TTC28: variants seen among roughly 807,000 people sequenced by gnomAD.
TTC28 encodes tetratricopeptide repeat domain 28.
A neutral mutation model predicts 198.0 loss-of-function variants in TTC28; 61 were observed. The ratio of observed to expected loss-of-function variants is 0.31; its 90% CI spans 0.25 to 0.38. The LOEUF (loss-of-function observed/expected upper bound fraction) is 0.38. Ranked by LOEUF, TTC28 falls within the 10% of genes least tolerant of loss-of-function variation. TTC28 has a pLI of 1.00. For synonymous variants in TTC28, 1,171 were observed against 1,297.8 expected (o/e 0.90, Z 2.10); for missense variants, 2,678 against 3,164.0 (o/e 0.85, Z 3.69).
At chr22:28,138,206 C>T (rs772017674) in intron 6 of TTC28, among the ~76,000 whole-genome samples, 2 of 152,156 alleles carry the variant, frequency 1.3e-5, no homozygotes, top group African/African-American at 4.8e-5. Flanking sequence ...TATCAATCAG[C>T]CAGAGTCTGA....
intron 5 of TTC28, among the ~76,000 whole-genome samples, chr22:28,289,347 T>C (rs1285197014): frequency 1.3e-5 from 2 of 152,194 alleles, no homozygotes; most frequent in African/African-American, 4.8e-5. Flanking sequence ...ATTTCCTGAA[T>C]AGAGAACACT....
intron 15 of TTC28, 52 bp downstream of exon 15, chr22:28,001,322 C>T (rs556276302): frequency 2.4e-4 from 361 of 1,520,344 alleles, no homozygotes; most frequent in Non-Finnish European, 3.1e-4. Flanking sequence ...TAGACGGTGC[C>T]TCGTGACCCG....
intron 5 of TTC28, among the ~76,000 whole-genome samples, chr22:28,189,348 G>T (rs907441289): frequency 2.0e-5 from 3 of 151,988 alleles, no homozygotes; most frequent in African/African-American, 7.2e-5. Flanking sequence ...AATCCAAGAA[G>T]AATATTACTT....
Position 28,250,637 on chromosome 22 carries a change from A to C in TTC28, c.933+45561T>G, listed in dbSNP as rs1202206240. 2.0e-5 allele frequency among the ~76,000 whole-genome samples: 3 copies of C among 152,330 alleles called. No homozygotes were observed. The East Asian group carries it at 5.8e-4, about 29-fold the overall frequency. The stretch of plus-strand genomic sequence containing the variant: ...TTACTTAAAATACCTAATTTAATGT[A>C]AACTCCATATAAATAGTTTTATGCT... On this transcript the variant is annotated intron_variant, in intron 5 of 22. Transcript: ENST00000397906.
At position 28,036,319 on chromosome 22, in the gene TTC28, T is replaced by C. The variant is rs1939342964; in HGVS notation, c.3933-5953A>G. On this transcript the variant is annotated intron_variant, in intron 12 of 22. Transcript: ENST00000397906. ...AGAACAGAAATCACAACAAACTGTC[T>C]CTCACACCACAGTGCAATCACATTA... 2.0e-5 allele frequency among the ~76,000 whole-genome samples: 3 copies of C among 152,312 alleles called. No homozygotes were observed. The South Asian group carries it at 6.2e-4, about 32-fold the overall frequency.
intron 12 of TTC28, among the ~76,000 whole-genome samples, chr22:28,051,548 C>T (rs918981745): frequency 6.6e-6 from 1 of 152,152 alleles, no homozygotes; most frequent in African/African-American, 2.4e-5. Flanking sequence ...TTCCCCTTCT[C>T]TCTACCAGAT....
chr22:28,110,631 T>C (rs902431335), intron 6 of TTC28, among the ~76,000 whole-genome samples: 3 of 152,108 alleles, frequency 2.0e-5, no homozygotes, highest in Non-Finnish European at 2.9e-5. Context: ...GGAATAAACA[T>C]GGTGACATTA....
At chr22:28,324,471 C>A (rs2045495717) in intron 2 of TTC28, among the ~76,000 whole-genome samples, 1 of 151,834 alleles carries the variant, frequency 6.6e-6, no homozygotes, top group African/African-American at 2.4e-5. Flanking sequence ...CCCTGATGAT[C>A]ATTGATGCAA....
At chr22:28,416,566 C>G (rs568530377) in intron 2 of TTC28, among the ~76,000 whole-genome samples, 1 of 152,254 alleles carries the variant, frequency 6.6e-6, no homozygotes, top group Non-Finnish European at 1.5e-5. Flanking sequence ...TGTTGTTGTT[C>G]TCCTAGAAAT....
rs1485142886 is a variant in TTC28, at chr22:28,589,918, A to T, written c.381+39634T>A. Among the ~76,000 whole-genome samples, 4 of 150,880 alleles carry T rather than the reference A, an allele frequency of 2.7e-5. No individual in the cohort carries two copies. In the East Asian group the frequency reaches 8.1e-4, roughly 30 times the overall value. On this transcript the variant is annotated intron_variant, in intron 2 of 22. Coordinates refer to ENST00000397906, the MANE Select transcript of TTC28 (RefSeq NM_001145418.2). Reference sequence around the variant, plus strand: ...CTGGGCATGGTGGTGGGTGCCTGTAATCCCAGCTACTCGGGAGGCTGAGGC... The same window carrying T: ...CTGGGCATGGTGGTGGGTGCCTGTATTCCCAGCTACTCGGGAGGCTGAGGC...
chr22:28,222,658 G>A (rs1257239348), intron 5 of TTC28, among the ~76,000 whole-genome samples: 7 of 152,302 alleles, frequency 4.6e-5, no homozygotes, highest in Non-Finnish European at 7.3e-5. Context: ...CCTATTGGGC[G>A]AGGGAGAAAA....
intron 1 of TTC28, among the ~76,000 whole-genome samples, chr22:28,669,229 C>G (rs1374048874): frequency 1.4e-5 from 2 of 139,010 alleles, no homozygotes; most frequent in African/African-American, 5.4e-5. Flanking sequence ...GTGCAGCGCA[C>G]CAGCATGGCA....
chr22:28,180,012 T>C (rs1414420791), intron 5 of TTC28, among the ~76,000 whole-genome samples: 2 of 152,206 alleles, frequency 1.3e-5, no homozygotes, highest in African/African-American at 4.8e-5. Context: ...CTTGTATTTA[T>C]TAACAAAGGT....
chr22:28,334,247 ATC>A (rs2045668172), intron 2 of TTC28, among the ~76,000 whole-genome samples: 2 of 151,842 alleles, frequency 1.3e-5, no homozygotes, highest in Admixed American at 1.3e-4. Context: ...AATCCAGTCT[ATC>A]ATTGATGGAC....
chr22:28,111,427 C>T (rs1311145444), intron 6 of TTC28, among the ~76,000 whole-genome samples: 2 of 152,172 alleles, frequency 1.3e-5, no homozygotes, highest in African/African-American at 2.4e-5. Flanking sequence ...GTGACAGAAA[C>T]GTTTCAGTTC....
At chr22:28,241,263 A>G (rs542853580) in intron 5 of TTC28, among the ~76,000 whole-genome samples, 1 of 152,222 alleles carries the variant, frequency 6.6e-6, no homozygotes, top group Admixed American at 6.5e-5. Flanking sequence ...TCATGAAGAA[A>G]CTTAGATAAT....
intron 2 of TTC28, among the ~76,000 whole-genome samples, chr22:28,459,433 A>T (rs1454361410): frequency 1.3e-5 from 2 of 151,994 alleles, no homozygotes; most frequent in Non-Finnish European, 2.9e-5. Context: ...CCGGTTTCAA[A>T]GAAAAAAAAA....
chr22:28,494,607 G>T (rs559715965), intron 2 of TTC28, among the ~76,000 whole-genome samples: 1 of 151,986 alleles, frequency 6.6e-6, no homozygotes, highest in Non-Finnish European at 1.5e-5. Flanking sequence ...CCTTCCCCTC[G>T]TGCCCTTTTT....
At chr22:28,320,691 A>T (rs1424550883) in intron 2 of TTC28, among the ~76,000 whole-genome samples, 2 of 152,198 alleles carry the variant, frequency 1.3e-5, no homozygotes, top group East Asian at 1.9e-4. Flanking sequence ...TTCCTTTAGA[A>T]ATTGATTCTA....
Sources: allele counts gnomAD v4.1 joint callset (sites outside exome capture counted in the v4.1 genomes callset), GRCh38; gene constraint gnomAD v4.1.1; transcripts MANE v1.5; gene names NCBI Gene and HGNC (gene_info 2026-07-23, HGNC 2026-07-21).